The following TRPM3 variants were observed in gnomAD, a reference collection of about 807,000 sequenced individuals.
TRPM3 encodes the protein long transient receptor potential channel 3.
A neutral mutation model predicts 181.2 loss-of-function variants in TRPM3; 77 were observed. The ratio of observed to expected loss-of-function variants is 0.42; its 90% CI spans 0.35 to 0.51. TRPM3 has a LOEUF of 0.51. Among genes scored for constraint, TRPM3 ranks in the 20% least tolerant of loss-of-function variants. The pLI is 0.01. For synonymous variants in TRPM3, 745 were observed against 796.4 expected (o/e 0.94, Z 1.09); for missense variants, 1,759 against 2,196.7 (o/e 0.80, Z 3.98).
intron 1 of TRPM3, among the ~76,000 whole-genome samples, chr9:71,308,490 T>A (rs983455658): frequency 6.6e-6 from 1 of 152,208 alleles, no homozygotes; most frequent in African/African-American, 2.4e-5. Flanking sequence ...GTCATAACTA[T>A]TTAATGATCA....
intron 1 of TRPM3, among the ~76,000 whole-genome samples, chr9:71,088,146 A>G (rs1013728667): frequency 2.6e-5 from 4 of 152,136 alleles, no homozygotes; most frequent in African/African-American, 9.7e-5. Flanking sequence ...GGTTACAGTG[A>G]TTCCTCAGCC....
At chr9:71,202,136 G>A (rs1019870414) in intron 1 of TRPM3, among the ~76,000 whole-genome samples, 1 of 152,228 alleles carries the variant, frequency 6.6e-6, no homozygotes, top group African/African-American at 2.4e-5. Context: ...GGTGGCTGCA[G>A]AACAGTGGAT....
chr9:70,916,963 G>A (rs888673270), intron 1 of TRPM3: 4 of 1,444,788 alleles, frequency 2.8e-6, no homozygotes, highest in African/African-American at 2.8e-5. Flanking sequence ...AGGCTTTCTA[G>A]TGAACAATCT....
intron 1 of TRPM3, among the ~76,000 whole-genome samples, chr9:70,947,166 T>C (rs2096942703): frequency 6.6e-6 from 1 of 152,222 alleles, no homozygotes; most frequent in African/African-American, 2.4e-5. Context: ...CAATCAATAC[T>C]ACCATCAGTA....
intron 1 of TRPM3, among the ~76,000 whole-genome samples, chr9:71,298,782 G>C (rs749026485): frequency 2.0e-5 from 3 of 151,950 alleles, no homozygotes; most frequent in African/African-American, 7.3e-5. Flanking sequence ...GCGTCACTAG[G>C]CAAATGTGCT....
chr9:71,028,526 A>G (rs1158183295), intron 1 of TRPM3, among the ~76,000 whole-genome samples: 1 of 152,180 alleles, frequency 6.6e-6, no homozygotes, highest in Non-Finnish European at 1.5e-5. Context: ...AGCAAGTTAC[A>G]TAAATAACCA....
At chr9:71,093,913 A>T (rs905356041) in intron 1 of TRPM3, among the ~76,000 whole-genome samples, 4 of 152,184 alleles carry the variant, frequency 2.6e-5, no homozygotes, top group Non-Finnish European at 5.9e-5. Flanking sequence ...GCCATAAAAA[A>T]GAATGAGTTT....
chr9:70,825,456 C>T (rs1285813804), intron 6 of TRPM3: 1 of 152,306 alleles, frequency 6.6e-6, no homozygotes, highest in African/African-American at 2.4e-5. Flanking sequence ...CCTCTCCCCT[C>T]CTTTGTACTC....
intron 1 of TRPM3, among the ~76,000 whole-genome samples, chr9:71,076,713 T>G (rs1025979848): frequency 1.3e-5 from 2 of 152,094 alleles, no homozygotes; most frequent in African/African-American, 4.8e-5. Flanking sequence ...CTATATAGGG[T>G]TCTCAATATC....
At chr9:71,276,917 A>G (rs2084258707) in intron 1 of TRPM3, among the ~76,000 whole-genome samples, 1 of 152,196 alleles carries the variant, frequency 6.6e-6, no homozygotes. Context: ...AAGTAAAATG[A>G]AAAAATAAGT....
intron 1 of TRPM3, among the ~76,000 whole-genome samples, chr9:71,004,163 G>A (rs2097648502): frequency 6.6e-6 from 1 of 152,208 alleles, no homozygotes; most frequent in Non-Finnish European, 1.5e-5. Flanking sequence ...GATCAGTGGA[G>A]AGGTCACATG....
chr9:71,060,503 G>A (rs2061199023), intron 1 of TRPM3, among the ~76,000 whole-genome samples: 1 of 152,150 alleles, frequency 6.6e-6, no homozygotes, highest in Non-Finnish European at 1.5e-5. Flanking sequence ...GAAGCACTAT[G>A]TTTCAAACCC....
intron 1 of TRPM3, among the ~76,000 whole-genome samples, chr9:70,933,009 A>G (rs2096790525): frequency 6.6e-6 from 1 of 152,126 alleles, no homozygotes; most frequent in South Asian, 2.1e-4. Flanking sequence ...TGATGTGTTG[A>G]TGTATGAGGT....
chr9:70,613,422 C>A (rs2062273639), intron 18 of TRPM3, among the ~76,000 whole-genome samples: 1 of 152,128 alleles, frequency 6.6e-6, no homozygotes, highest in Non-Finnish European at 1.5e-5. Flanking sequence ...TTGGAAGGGC[C>A]AAAGGAAAAT....
At chr9:70,921,922 C>CACAA (rs1554770461) in intron 1 of TRPM3, among the ~76,000 whole-genome samples, 1 of 129,696 alleles carries the variant, frequency 7.7e-6, no homozygotes, top group African/African-American at 3.2e-5. Context: ...CCACTATACA[C>CACAA]ACACACACAC....
At chr9:70,668,432 A>G (rs2134023294) in intron 9 of TRPM3, among the ~76,000 whole-genome samples, 1 of 152,284 alleles carries the variant, frequency 6.6e-6, no homozygotes, top group South Asian at 2.1e-4. Flanking sequence ...TGGGAGGCCG[A>G]GGCGGGCGGA....
intron 7 of TRPM3, among the ~76,000 whole-genome samples, chr9:70,777,727 G>T (rs184758529): frequency 1.3e-5 from 2 of 152,128 alleles, no homozygotes; most frequent in Non-Finnish European, 1.5e-5. Context: ...GTTCAAATAA[G>T]ATTATGTGTA....
chr9:70,752,147 G>A (rs1184255419), intron 8 of TRPM3, among the ~76,000 whole-genome samples: 2 of 152,006 alleles, frequency 1.3e-5, no homozygotes, highest in African/African-American at 2.4e-5. Context: ...CAACTCTGGA[G>A]AAGTGTCACA....
At chr9:71,065,899 G>A (rs2061856603) in intron 1 of TRPM3, among the ~76,000 whole-genome samples, 1 of 152,086 alleles carries the variant, frequency 6.6e-6, no homozygotes, top group Admixed American at 6.6e-5. Context: ...AGAAAAACAA[G>A]CGATGACATA....
Sources: gnomAD v4.1 joint callset for allele counts (sites outside exome capture counted in the v4.1 genomes callset) on GRCh38, gnomAD v4.1.1 for gene constraint, MANE v1.5 for transcripts, NCBI Gene and HGNC (gene_info 2026-07-23, HGNC 2026-07-21) for gene names.